HTR1F: variants seen among roughly 807,000 people sequenced by gnomAD.
HTR1F encodes the protein 5-hydroxytryptamine receptor 1F.
In HTR1F, 17 loss-of-function variants were observed where a neutral mutation model predicts 24.0. That is an observed-to-expected ratio of 0.71 (90% confidence interval 0.48 to 1.06). The LOEUF (loss-of-function observed/expected upper bound fraction) is 1.06. Ranked by LOEUF, HTR1F falls within the 50% of genes least tolerant of loss-of-function variation. HTR1F has a pLI of 0.00. For synonymous variants in HTR1F, 186 were observed against 156.8 expected (o/e 1.19, Z -1.39); for missense variants, 391 against 427.8 (o/e 0.91, Z 0.76).
At chr3:87,848,969 A>C (rs1279863021) in intron 2 of HTR1F, among the ~76,000 whole-genome samples, 5 of 151,604 alleles carry the variant, frequency 3.3e-5, no homozygotes, top group African/African-American at 4.9e-5. Flanking sequence ...GATACAAACA[A>C]ATGGAAGAAC....
intron 2 of HTR1F, among the ~76,000 whole-genome samples, chr3:87,939,590 T>A (rs772354473): frequency 6.6e-6 from 1 of 152,206 alleles, no homozygotes; most frequent in Non-Finnish European, 1.5e-5. Context: ...TTCTTCCTGC[T>A]TTGGTCTTGG....
intron 2 of HTR1F, among the ~76,000 whole-genome samples, chr3:87,977,798 A>C (rs1352224276): frequency 6.6e-6 from 1 of 151,666 alleles, no homozygotes; most frequent in Non-Finnish European, 1.5e-5. Flanking sequence ...CTTTAAATGA[A>C]TTTTTCTTGA....
intron 2 of HTR1F, among the ~76,000 whole-genome samples, chr3:87,881,721 A>G (rs1421388170): frequency 6.6e-6 from 1 of 152,212 alleles, no homozygotes; most frequent in African/African-American, 2.4e-5. Context: ...AAGATGGATT[A>G]AAGACTTAAA....
At chr3:87,953,222 A>C (rs1704872233) in intron 2 of HTR1F, among the ~76,000 whole-genome samples, 1 of 151,764 alleles carries the variant, frequency 6.6e-6, no homozygotes. Flanking sequence ...TTAAACTAAA[A>C]AGTTTCTGCA....
At chr3:87,852,920 TTA>T (rs907966154) in intron 2 of HTR1F, among the ~76,000 whole-genome samples, 21 of 151,674 alleles carry the variant, frequency 1.4e-4, no homozygotes, top group Non-Finnish European at 2.8e-4. Context: ...CAATAAAGTT[TTA>T]TAGTTTTCTA....
intron 1 of HTR1F, among the ~76,000 whole-genome samples, chr3:87,814,477 T>G (rs1199992155): frequency 6.6e-6 from 1 of 152,142 alleles, no homozygotes; most frequent in Non-Finnish European, 1.5e-5. Flanking sequence ...ATAGAGCTCT[T>G]GAACTTATTC....
At chr3:87,846,667 C>G (rs1704952367) in intron 2 of HTR1F, among the ~76,000 whole-genome samples, 1 of 151,860 alleles carries the variant, frequency 6.6e-6, no homozygotes, top group African/African-American at 2.4e-5. Flanking sequence ...TAATGGCTTG[C>G]AGTGCTGGAA....
At chr3:87,933,559 A>G (rs148938673) in intron 2 of HTR1F, among the ~76,000 whole-genome samples, 13,718 of 149,108 alleles carry the variant, frequency 0.092, 665 homozygotes, top group African/African-American at 0.12. Flanking sequence ...ATACACCAAT[A>G]ACAGACAAAC....
intron 2 of HTR1F, among the ~76,000 whole-genome samples, chr3:87,915,423 G>T (rs528854470): frequency 1.3e-5 from 2 of 152,172 alleles, no homozygotes; most frequent in South Asian, 2.1e-4. Context: ...ACCAGAGAAA[G>T]GCGAAGCCCA....
At chr3:87,864,345 C>T (rs767335548) in intron 2 of HTR1F, among the ~76,000 whole-genome samples, 1 of 152,124 alleles carries the variant, frequency 6.6e-6, no homozygotes, top group African/African-American at 2.4e-5. Context: ...ACTCCTTTAG[C>T]GTGAGATAAC....
rs1705807184 is a variant in HTR1F, at chr3:87,990,891, A to G, written c.142A>G (p.Ile48Val). 1 of 1,614,022 alleles carries G rather than the reference A, an allele frequency of 6.2e-7. No homozygotes were observed. Reference sequence around the variant, plus strand: ...TATCAACTCCCTTGTGATCGCTGCAATTATTGTGACCCGGAAGCTGCACCA... The same window carrying G: ...TATCAACTCCCTTGTGATCGCTGCAGTTATTGTGACCCGGAAGCTGCACCA... The part of the protein sequence containing the change: ...TTINSLVIAA[I>V]IVTRKLHHPA... Residue 48 changes from isoleucine (I) to valine (V), a missense_variant, in exon 3 of 3, where the codon ATT becomes GTT. Coordinates refer to ENST00000319595, the MANE Select transcript of HTR1F (RefSeq NM_001322209.2).
intron 2 of HTR1F, among the ~76,000 whole-genome samples, chr3:87,881,640 GA>G (rs1370173879): frequency 2.0e-5 from 3 of 152,200 alleles, no homozygotes; most frequent in African/African-American, 7.2e-5. Flanking sequence ...ATGGTGCTGG[GA>G]AAACTGGCTA....
At position 87,849,432 on chromosome 3, in the gene HTR1F, T is replaced by C. The variant is rs1401490353; in HGVS notation, c.-43+27308T>C. On this transcript the variant is annotated intron_variant, in intron 2 of 2. Coordinates refer to ENST00000319595, the MANE Select transcript of HTR1F (RefSeq NM_001322209.2). ...GTAGAAAGCTGAAACTGGATCCCTT[T>C]CTTACACCTTCTACAAAAATTAATT... is the stretch of plus-strand genomic sequence containing the variant. Among the ~76,000 whole-genome samples, 504 of 151,768 alleles carry C rather than the reference T, an allele frequency of 3.3e-3. 7 individuals carry two copies. Among genetic ancestry groups the C allele is most frequent in the African/African-American group, 0.011 (455 of 41,148 alleles).
At chr3:87,899,614 C>T (rs1011146473) in intron 2 of HTR1F, among the ~76,000 whole-genome samples, 1 of 152,060 alleles carries the variant, frequency 6.6e-6, no homozygotes, top group African/African-American at 2.4e-5. Flanking sequence ...GCCTGTAATC[C>T]AGCTGTGGGA....
chr3:87,950,502 G>A (rs1327849106), intron 2 of HTR1F, among the ~76,000 whole-genome samples: 1 of 151,206 alleles, frequency 6.6e-6, no homozygotes, highest in Non-Finnish European at 1.5e-5. Context: ...TGATCAGGAT[G>A]CCCTGATGTT....
intron 2 of HTR1F, among the ~76,000 whole-genome samples, chr3:87,893,209 C>CTT (rs1341275739): frequency 2.0e-5 from 3 of 151,974 alleles, no homozygotes; most frequent in African/African-American, 7.2e-5. Context: ...CTGTAAGTCA[C>CTT]TTATTTGGAA....
chr3:87,905,031 G>C (rs1408620404), intron 2 of HTR1F, among the ~76,000 whole-genome samples: 1 of 152,052 alleles, frequency 6.6e-6, no homozygotes, highest in Non-Finnish European at 1.5e-5. Context: ...GTCCAGGACT[G>C]GTATGGTGGC....
rs1465714296 is a variant in HTR1F, at chr3:87,915,223, C to A, written c.-42-75485C>A. ...ATAACAGCCTTCAGGCCTAGACCTC[C>A]CCTCTGACAGAGCCTACCCAAATGA... On this transcript the variant is annotated intron_variant, in intron 2 of 2. Transcript: ENST00000319595. Among the ~76,000 whole-genome samples, 10 of 152,144 alleles carry A rather than the reference C, an allele frequency of 6.6e-5. 1 individual carries two copies. In the South Asian group the frequency reaches 1.0e-3, roughly 16 times the overall value.
intron 2 of HTR1F, among the ~76,000 whole-genome samples, chr3:87,928,169 C>T (rs979312258): frequency 4.0e-5 from 6 of 151,854 alleles, no homozygotes; most frequent in African/African-American, 7.3e-5. Context: ...CCTCAACCTC[C>T]GAAGTAGCTG....
Sources: gnomAD v4.1 joint callset for allele counts (sites outside exome capture counted in the v4.1 genomes callset) on GRCh38, gnomAD v4.1.1 for gene constraint, MANE v1.5 for transcripts, NCBI Gene and HGNC (gene_info 2026-07-23, HGNC 2026-07-21) for gene names.